Variants in SLC26A7 observed in about 807,000 individuals in gnomAD.
SLC26A7 encodes the protein solute carrier family 26 member 7.
Under a neutral mutation model 82.5 loss-of-function variants are expected in SLC26A7, and 59 were observed. The ratio of observed to expected loss-of-function variants is 0.72; its 90% CI spans 0.58 to 0.89. SLC26A7 has a LOEUF of 0.89. Among genes scored for constraint, SLC26A7 ranks in the 40% least tolerant of loss-of-function variants. The pLI, the probability that SLC26A7 is intolerant of heterozygous loss-of-function variation, is 0.00. For synonymous variants in SLC26A7, 271 were observed against 274.3 expected (o/e 0.99, Z 0.12); for missense variants, 820 against 793.0 (o/e 1.03, Z -0.41).
At chr8:91,369,016 G>A (rs548575684) in intron 14 of SLC26A7, among the ~76,000 whole-genome samples, 8 of 152,292 alleles carry the variant, frequency 5.3e-5, no homozygotes, top group South Asian at 2.1e-4. Context: ...AACTGATCTC[G>A]TGAGAGAAGC....
At chr8:91,367,288 G>A (rs865846161) in intron 14 of SLC26A7, among the ~76,000 whole-genome samples, 10 of 152,290 alleles carry the variant, frequency 6.6e-5, no homozygotes, top group Middle Eastern at 6.8e-3. Context: ...GATTACAGGC[G>A]TGAGCCACTG....
intron 5 of SLC26A7, among the ~76,000 whole-genome samples, chr8:91,332,791 C>T (rs917379058): frequency 6.6e-6 from 1 of 151,906 alleles, no homozygotes; most frequent in Non-Finnish European, 1.5e-5. Flanking sequence ...CTCAGCTTCC[C>T]ACAGTTCTGG....
intron 2 of SLC26A7, among the ~76,000 whole-genome samples, chr8:91,280,868 G>C (rs1029741711): frequency 1.3e-5 from 2 of 152,172 alleles, no homozygotes; most frequent in African/African-American, 4.8e-5. Context: ...TTTAAAATAT[G>C]TATGTGTAAC....
At chr8:91,240,347 T>A (rs1005352857) in intron 2 of SLC26A7, among the ~76,000 whole-genome samples, 1 of 152,182 alleles carries the variant, frequency 6.6e-6, no homozygotes, top group African/African-American at 2.4e-5. Context: ...CTTTGAAACA[T>A]CTAGAGTAAA....
intron 5 of SLC26A7, among the ~76,000 whole-genome samples, chr8:91,320,274 G>A (rs1057415140): frequency 6.6e-6 from 1 of 152,158 alleles, no homozygotes; most frequent in African/African-American, 2.4e-5. Context: ...TATTGGCCAG[G>A]TGGAGGTCTT....
intron 2 of SLC26A7, among the ~76,000 whole-genome samples, chr8:91,223,175 G>A (rs1389555731): frequency 2.6e-5 from 4 of 152,172 alleles, no homozygotes; most frequent in African/African-American, 9.6e-5. Flanking sequence ...GGGGTCAGTG[G>A]TGATATCCCC....
chr8:91,269,859 A>T (rs1811221455), intron 2 of SLC26A7, among the ~76,000 whole-genome samples: 1 of 151,928 alleles, frequency 6.6e-6, no homozygotes, highest in South Asian at 2.1e-4. Context: ...TGTTTCATCA[A>T]ATCTACTGTG....
At chr8:91,267,664 A>C (rs963875492) in intron 2 of SLC26A7, among the ~76,000 whole-genome samples, 1 of 151,764 alleles carries the variant, frequency 6.6e-6, no homozygotes. Flanking sequence ...TGGTTAATCT[A>C]GCTAAAGGTT....
At chr8:91,230,064 C>A (rs2130672941) in intron 2 of SLC26A7, among the ~76,000 whole-genome samples, 1 of 152,228 alleles carries the variant, frequency 6.6e-6, no homozygotes, top group East Asian at 1.9e-4. Context: ...AATATGTATT[C>A]TTTTCTGCAA....
chr8:91,393,753 G>A (rs1423474921), intron 16 of SLC26A7, 44 bp from the exon 17 acceptor site: 1 of 1,593,504 alleles, frequency 6.3e-7, no homozygotes, highest in Non-Finnish European at 8.6e-7. Flanking sequence ...CCTCCTGCTG[G>A]CTATTCTGAA....
At chr8:91,306,762 T>C (rs969590575) in intron 4 of SLC26A7, among the ~76,000 whole-genome samples, 2 of 151,524 alleles carry the variant, frequency 1.3e-5, no homozygotes, top group African/African-American at 4.8e-5. Flanking sequence ...CAGGCTGGAG[T>C]ACAGTGATGC....
At chr8:91,364,812 A>T (rs1205016235) in intron 13 of SLC26A7, among the ~76,000 whole-genome samples, 2 of 152,180 alleles carry the variant, frequency 1.3e-5, no homozygotes, top group Non-Finnish European at 2.9e-5. Context: ...ATTTCTCCAC[A>T]TGTTTAAGTC....
chr8:91,245,423 C>T (rs1375368234), upstream of SLC26A7, among the ~76,000 whole-genome samples: 3 of 152,092 alleles, frequency 2.0e-5, no homozygotes, highest in Admixed American at 6.6e-5. Flanking sequence ...AGACTTGATA[C>T]AAATTACGCA....
At chr8:91,371,407 T>A (rs1270135435) in intron 15 of SLC26A7, among the ~76,000 whole-genome samples, 1 of 151,816 alleles carries the variant, frequency 6.6e-6, no homozygotes, top group East Asian at 1.9e-4. Flanking sequence ...TCCCTACTTT[T>A]GGAGTTCCCA....
At chr8:91,218,183 T>C (rs1379651409) in intron 1 of SLC26A7, among the ~76,000 whole-genome samples, 1 of 152,196 alleles carries the variant, frequency 6.6e-6, no homozygotes, top group East Asian at 1.9e-4. Flanking sequence ...ATTTCCCAGT[T>C]ACCAGTTGTG....
At position 91,289,196 on chromosome 8, in the gene SLC26A7, T is replaced by C. The variant is rs1268679144; in HGVS notation, c.254T>C (p.Phe85Ser). ...GTGTTTGGTTTATATGGGTCTCTGTTTCCTGCCATAATTTATGCCATATTT... is the reference window on the plus strand; with the variant it reads ...GTGTTTGGTTTATATGGGTCTCTGTCTCCTGCCATAATTTATGCCATATTT... ...HPVFGLYGSL[F>S]PAIIYAIFGM... Residue 85 changes from phenylalanine (F) to serine (S), a missense_variant, in exon 3 of 19, where the codon TTT becomes TCT. By Grantham distance (155) the Phe-to-Ser change is radical. Transcript: ENST00000276609. 6 of 1,614,136 alleles carry C rather than the reference T, an allele frequency of 3.7e-6. No individual in the cohort carries two copies. The highest frequency in any genetic ancestry group is 5.1e-6 in the Non-Finnish European group (6 of 1,179,992).
At chr8:91,335,602 G>A (rs1448295674) in intron 6 of SLC26A7, among the ~76,000 whole-genome samples, 1 of 152,142 alleles carries the variant, frequency 6.6e-6, no homozygotes, top group Admixed American at 6.5e-5. Flanking sequence ...AGGCTGTTGA[G>A]CTGGTAGTAA....
intron 4 of SLC26A7, among the ~76,000 whole-genome samples, chr8:91,308,835 A>G (rs986523246): frequency 6.6e-6 from 1 of 152,040 alleles, no homozygotes; most frequent in Non-Finnish European, 1.5e-5. Context: ...GAGTTCTTTC[A>G]GTTGGCTCTG....
intron 2 of SLC26A7, among the ~76,000 whole-genome samples, chr8:91,265,182 C>A (rs1811078115): frequency 6.6e-6 from 1 of 152,046 alleles, no homozygotes; most frequent in Non-Finnish European, 1.5e-5. Context: ...AACGTAATGT[C>A]CTCCAGGTTC....
Sources: gnomAD v4.1 joint callset for allele counts (sites outside exome capture counted in the v4.1 genomes callset) on GRCh38, gnomAD v4.1.1 for gene constraint, MANE v1.5 for transcripts, NCBI Gene and HGNC (gene_info 2026-07-23, HGNC 2026-07-21) for gene names.